The following GRIN2A variants were observed in gnomAD, a reference collection of about 807,000 sequenced individuals.
The protein encoded by GRIN2A is glutamate receptor ionotropic, NMDA 2A.
GRIN2A carries 22 observed loss-of-function variants against 113.4 expected under a neutral mutation model. The observed-to-expected ratio is 0.19, with a 90% CI of 0.14 to 0.28. The LOEUF is 0.28. Among genes scored for constraint, GRIN2A ranks in the 10% least tolerant of loss-of-function variants. The pLI is 1.00. For missense variants in GRIN2A, 1,502 were observed against 1,887.0 expected, an observed-to-expected ratio of 0.80 and a Z score of 3.78; for synonymous variants, 827 against 738.4, an observed-to-expected ratio of 1.12 and a Z score of -1.94.
intron 3 of GRIN2A, among the ~76,000 whole-genome samples, chr16:9,899,918 G>C (rs1169922095): frequency 6.6e-6 from 1 of 152,166 alleles, no homozygotes; most frequent in Non-Finnish European, 1.5e-5. Context: ...ATTCAATTTT[G>C]TGGCTTTCAA....
chr16:9,756,058 AAAT>A lies in GRIN2A; in HGVS notation c.*7088_*7090del, dbSNP rs1238558137. 4.5e-6 allele frequency: 1 copy of A among 223,754 alleles called. No individual in the cohort carries two copies. The highest frequency in any genetic ancestry group is 2.2e-5 in the African/African-American group (1 of 44,828). The allele number at this position is 223,754 out of a possible 1,614,324, so 13.9% of individuals were successfully genotyped here. ...GAAATAGGAGGAATAGTCAACTTGC[AAAT>A]AATATCACCTCTTTGAACATGGGTC... is the stretch of plus-strand genomic sequence containing the variant. On this transcript the variant is annotated 3_prime_UTR_variant, in exon 13 of 13. Transcript: ENST00000330684.
chr16:10,110,747 T>C (rs1246009742), intron 2 of GRIN2A, among the ~76,000 whole-genome samples: 3 of 152,196 alleles, frequency 2.0e-5, no homozygotes, highest in Non-Finnish European at 4.4e-5. Context: ...CTTCCCAGGC[T>C]CCACTCCTTT....
intron 2 of GRIN2A, among the ~76,000 whole-genome samples, chr16:10,149,674 T>C (rs151206489): frequency 3.1e-4 from 47 of 152,260 alleles, no homozygotes; most frequent in African/African-American, 1.0e-3. Flanking sequence ...CAAGTAACCA[T>C]CCTGTCCTGT....
chr16:9,824,740 C>A (rs890836269), intron 9 of GRIN2A, among the ~76,000 whole-genome samples: 1 of 152,112 alleles, frequency 6.6e-6, no homozygotes, highest in Non-Finnish European at 1.5e-5. Context: ...AATTTCACAG[C>A]ACTCATTCTT....
intron 2 of GRIN2A, among the ~76,000 whole-genome samples, chr16:9,981,226 T>C (rs1040742578): frequency 6.6e-6 from 1 of 152,206 alleles, no homozygotes; most frequent in African/African-American, 2.4e-5. Context: ...ATTCCTTCTA[T>C]GATCTCAAGG....
intron 2 of GRIN2A, among the ~76,000 whole-genome samples, chr16:10,052,155 A>G (rs1485032216): frequency 6.6e-6 from 1 of 152,268 alleles, no homozygotes; most frequent in African/African-American, 2.4e-5. Context: ...ATTAAATTCT[A>G]CTGTAGGAGG....
intron 2 of GRIN2A, among the ~76,000 whole-genome samples, chr16:10,130,117 C>T (rs965203645): frequency 6.6e-6 from 1 of 152,158 alleles, no homozygotes; most frequent in Non-Finnish European, 1.5e-5. Flanking sequence ...TGGGGACATG[C>T]TAAAGACAAT....
At chr16:10,097,100 A>G (rs777833931) in intron 2 of GRIN2A, among the ~76,000 whole-genome samples, 2 of 152,280 alleles carry the variant, frequency 1.3e-5, no homozygotes, top group South Asian at 4.2e-4. Flanking sequence ...CAAACACCCT[A>G]CAACACTCGC....
At chr16:10,066,841 T>A (rs2047658048) in intron 2 of GRIN2A, among the ~76,000 whole-genome samples, 1 of 152,202 alleles carries the variant, frequency 6.6e-6, no homozygotes, top group Non-Finnish European at 1.5e-5. Flanking sequence ...CAGCCCATCA[T>A]AGCAGCATTA....
At chr16:9,956,776 A>C (rs961627160) in intron 2 of GRIN2A, among the ~76,000 whole-genome samples, 1 of 152,202 alleles carries the variant, frequency 6.6e-6, no homozygotes, top group Admixed American at 6.5e-5. Context: ...ATGGTTGAAG[A>C]CTTCTCCAAA....
intron 2 of GRIN2A, among the ~76,000 whole-genome samples, chr16:10,030,965 G>C (rs951858182): frequency 6.6e-6 from 1 of 152,130 alleles, no homozygotes; most frequent in Non-Finnish European, 1.5e-5. Flanking sequence ...CACCATCTAG[G>C]GGGTAGGCTC....
intron 3 of GRIN2A, among the ~76,000 whole-genome samples, chr16:9,897,828 A>G (rs1465442178): frequency 6.6e-6 from 1 of 152,178 alleles, no homozygotes; most frequent in African/African-American, 2.4e-5. Context: ...GACTGTAATC[A>G]TGGAAGCAGG....
chr16:9,868,760 C>G (rs1201423160), intron 4 of GRIN2A, among the ~76,000 whole-genome samples: 2 of 152,170 alleles, frequency 1.3e-5, no homozygotes, highest in Admixed American at 6.5e-5. Context: ...ACTCCTGGTT[C>G]CAGCCCTGCC....
chr16:9,866,501 G>A (rs933862992), intron 4 of GRIN2A, among the ~76,000 whole-genome samples: 16 of 152,098 alleles, frequency 1.1e-4, no homozygotes, highest in African/African-American at 3.9e-4. Flanking sequence ...GACTGAAGAA[G>A]CCCTTGGATA....
At chr16:10,100,861 C>A (rs1363781354) in intron 2 of GRIN2A, among the ~76,000 whole-genome samples, 1 of 152,242 alleles carries the variant, frequency 6.6e-6, no homozygotes, top group African/African-American at 2.4e-5. Flanking sequence ...TGGAGTTAAT[C>A]CATCACAGAC....
intron 2 of GRIN2A, among the ~76,000 whole-genome samples, chr16:9,963,755 A>G (rs1208972040): frequency 2.0e-5 from 3 of 152,210 alleles, no homozygotes; most frequent in Non-Finnish European, 4.4e-5. Context: ...TCTGCTATTC[A>G]ATAATTCATC....
chr16:9,793,135 G>T (rs7202848), intron 11 of GRIN2A, among the ~76,000 whole-genome samples: 56,770 of 152,024 alleles, frequency 0.37, 11,451 homozygotes, highest in African/African-American at 0.54. Context: ...CTTTGTGCAA[G>T]GGAGATAATA....
chr16:10,171,189 A>C (rs2050034293), intron 2 of GRIN2A, among the ~76,000 whole-genome samples: 2 of 152,250 alleles, frequency 1.3e-5, no homozygotes, highest in Admixed American at 1.3e-4. Flanking sequence ...CAAAAGAATA[A>C]GAACCCAAAG....
At chr16:9,907,769 C>G (rs2044055010) in intron 3 of GRIN2A, among the ~76,000 whole-genome samples, 1 of 152,198 alleles carries the variant, frequency 6.6e-6, no homozygotes, top group African/African-American at 2.4e-5. Context: ...CCAAAAGGCT[C>G]ACTGAGCTTC....
Sources: allele counts gnomAD v4.1 joint callset (sites outside exome capture counted in the v4.1 genomes callset), GRCh38; gene constraint gnomAD v4.1.1; transcripts MANE v1.5; gene names NCBI Gene and HGNC (gene_info 2026-07-23, HGNC 2026-07-21).